Variants in WDR86 observed in about 807,000 individuals in gnomAD.
The protein encoded by WDR86 is WD repeat domain 86, also known as WD repeat-containing protein 86.
In WDR86, 30 loss-of-function variants were observed where a neutral mutation model predicts 36.5. That is an observed-to-expected ratio of 0.82 (90% CI 0.61 to 1.11). WDR86 has a LOEUF of 1.11. WDR86 is among the 50% of genes most tolerant of loss of function. WDR86 has a pLI of 0.00. For missense variants in WDR86, 545 were observed against 561.2 expected (o/e 0.97, Z 0.29); for synonymous variants, 255 against 252.9 (o/e 1.01, Z -0.08).
intron 3 of WDR86, among the ~76,000 whole-genome samples, chr7:151,387,328 C>T (rs1799060433): frequency 6.6e-6 from 1 of 152,170 alleles, no homozygotes; most frequent in Non-Finnish European, 1.5e-5. Context: ...TGGCAGCCGG[C>T]CCTCACCACA....
At chr7:151,376,008 G>A (rs926790466) in exon 2 of WDR86, 5 of 985,392 alleles carry the variant, frequency 5.1e-6, no homozygotes, top group African/African-American at 3.2e-5. Flanking sequence ...GGGGTAACCC[G>A]GGTGAATCAG....
Position 151,385,295 on chromosome 7 carries a change from G to T in WDR86, c.727-72C>A, listed in dbSNP as rs73474439. The T allele has an allele frequency of 8.0e-4, 1,272 of 1,590,666 alleles. 6 individuals are homozygous for T. The African/African-American group carries it at 0.014, about 17-fold the overall frequency. On this transcript the variant is annotated intron_variant, in intron 3 of 5. Coordinates refer to ENST00000334493, the MANE Select transcript of WDR86 (RefSeq NM_198285.3). Reference sequence around the variant, plus strand: ...CCCCCCAGACCTCTCCCTCTATAAGGGGGGAAGGGGCATGTGCAGGTCTCA... The same window carrying T: ...CCCCCCAGACCTCTCCCTCTATAAGTGGGGAAGGGGCATGTGCAGGTCTCA...
At chr7:151,376,270 C>T (rs1301053944), downstream of WDR86, 1 of 466,986 alleles carries the variant, frequency 2.1e-6, no homozygotes, top group African/African-American at 2.0e-5. Flanking sequence ...ACCCATCCAG[C>T]TTTGTATCCC....
downstream of WDR86, chr7:151,376,628 C>T (rs1798282830): frequency 1.9e-6 from 3 of 1,606,634 alleles, no homozygotes; most frequent in Non-Finnish European, 2.6e-6. Flanking sequence ...CTGCGCTCTC[C>T]CCTAGTTGGT....
At chr7:151,408,717 T>A (rs1481840038) in intron 1 of WDR86, 2 of 358,602 alleles carry the variant, frequency 5.6e-6, no homozygotes, top group African/African-American at 2.1e-5. Context: ...GAAAGGGACC[T>A]CACAGTGCAT....
At chr7:151,381,057 T>C, downstream of WDR86, 1 of 1,005,676 alleles carries the variant, frequency 9.9e-7, no homozygotes, top group Non-Finnish European at 1.2e-6. This position sits in a 1 kb window ranked among gnomAD's most constrained non-coding sequence, Gnocchi z 4.8. Context: ...CCTGGGTTCC[T>C]GGAATCCCAA....
intron 2 of WDR86, among the ~76,000 whole-genome samples, chr7:151,397,070 C>T (rs1386232334): frequency 6.6e-6 from 1 of 152,262 alleles, no homozygotes; most frequent in Non-Finnish European, 1.5e-5. Context: ...AAGGTCTGAG[C>T]ACACACCCTT....
In WDR86 at chr7:151,409,984, A is replaced by G; in HGVS notation, c.-395T>C. The G allele has an allele frequency of 9.9e-7, 1 of 1,007,822 alleles. No homozygotes were observed. Among genetic ancestry groups the G allele is most frequent in the Non-Finnish European group, 1.2e-6 (1 of 845,350 alleles). The allele number at this position is 1,007,822 out of a possible 1,614,324, so 62.4% of individuals were successfully genotyped here. A position where few individuals can be genotyped will look rare whatever the true frequency, so the allele number is the denominator to read the frequency against. On this transcript the variant is annotated 5_prime_UTR_variant, in exon 1 of 6. Coordinates refer to ENST00000334493, the MANE Select transcript of WDR86 (RefSeq NM_198285.3). This position sits in a 1 kb window ranked among gnomAD's most constrained non-coding sequence, Gnocchi z 5.2. ...CCACGGGGCTGGGGCGGGGAGAGGAACACGGGAAGCCGAGCGCCCCGCGCC... is the reference window on the plus strand; with the variant it reads ...CCACGGGGCTGGGGCGGGGAGAGGAGCACGGGAAGCCGAGCGCCCCGCGCC...
downstream of WDR86, among the ~76,000 whole-genome samples, chr7:151,380,785 C>G (rs1298477942): frequency 6.6e-6 from 1 of 151,614 alleles, no homozygotes; most frequent in Non-Finnish European, 1.5e-5. Context: ...GCTGCCCGCC[C>G]CCACCCCTCC....
chr7:151,404,399 G>A (rs1563066832), intron 1 of WDR86, among the ~76,000 whole-genome samples: 2 of 152,102 alleles, frequency 1.3e-5, no homozygotes, highest in African/African-American at 4.8e-5. Flanking sequence ...CTGAACACAC[G>A]CCCAAGTGAG....
rs748113673 is a variant in WDR86, at chr7:151,396,103, G to A, written c.399C>T (p.Phe133=). The change falls in exon 3 of 6, where the codon TTC becomes TTT. Residue 133 remains phenylalanine (F), a synonymous_variant. Coordinates refer to ENST00000334493, the MANE Select transcript of WDR86 (RefSeq NM_198285.3). ...TCAGCACGCAGTTGCGGTGGCCCCGGAACTCCCGGGACATCTGCCCCTTGT... is the reference window on the plus strand; with the variant it reads ...TCAGCACGCAGTTGCGGTGGCCCCGAAACTCCCGGGACATCTGCCCCTTGT... ...SVDKGQMSRE[F]RGHRNCVLTL... is the part of the protein sequence containing the mutation. The A allele has an allele frequency of 6.2e-7, 1 of 1,612,858 alleles. No individual in the cohort carries two copies. The highest frequency in any genetic ancestry group is 8.5e-7 in the Non-Finnish European group (1 of 1,179,876).
In WDR86 at chr7:151,409,606, G is replaced by T; in HGVS notation, c.-17C>A. 1 of 1,371,390 alleles carries T rather than the reference G, an allele frequency of 7.3e-7. No homozygotes were observed. Among genetic ancestry groups the T allele is most frequent in the Non-Finnish European group, 9.4e-7 (1 of 1,066,730 alleles). The allele number at this position is 1,371,390 out of a possible 1,614,324, so 85.0% of individuals were successfully genotyped here. ...GCCCCCCATCCCGCTGGCAGGGCGGGGAACAAGAAGGAGCTGCGCCCCGCT... is the reference window on the plus strand; with the variant it reads ...GCCCCCCATCCCGCTGGCAGGGCGGTGAACAAGAAGGAGCTGCGCCCCGCT... On this transcript the variant is annotated 5_prime_UTR_variant, in exon 1 of 6. Coordinates refer to ENST00000334493, the MANE Select transcript of WDR86 (RefSeq NM_198285.3). The surrounding 1 kb of genome is among the most constrained non-coding windows in gnomAD (Gnocchi z 5.2).
rs1798545535 is a variant in WDR86, at chr7:151,381,367, G to T, written c.*215C>A. 7.0e-7 allele frequency: 1 copy of T among 1,437,146 alleles called. No individual in the cohort carries two copies. The highest frequency in any genetic ancestry group is 3.0e-5 in the East Asian group (1 of 33,406). 89.0% of individuals were successfully genotyped at this position (1,437,146 alleles called of 1,614,324 possible). A position where few individuals can be genotyped will look rare whatever the true frequency, so the allele number is the denominator to read the frequency against. On this transcript the variant is annotated 3_prime_UTR_variant, in exon 6 of 6. Coordinates refer to ENST00000334493, the MANE Select transcript of WDR86 (RefSeq NM_198285.3). The surrounding 1 kb of genome is among the most constrained non-coding windows in gnomAD (Gnocchi z 4.8). ...GGAGGACAGGAGCCACCCTAAAAGG[G>T]AAAAGGGGGCGGTCCCCAGGGCGAG...
chr7:151,407,773 G>A (rs1256965954), intron 1 of WDR86, among the ~76,000 whole-genome samples: 3 of 152,056 alleles, frequency 2.0e-5, no homozygotes, highest in South Asian at 2.1e-4. Context: ...CCCGGGAGGC[G>A]GAGGTTGCAG....
chr7:151,388,067 G>A lies in WDR86; in HGVS notation c.727-2844C>T, dbSNP rs186194751. 4.6e-5 allele frequency among the ~76,000 whole-genome samples: 7 copies of A among 152,324 alleles called. No individual in the cohort carries two copies. Among genetic ancestry groups the A allele is most frequent in the South Asian group, 2.1e-4 (1 of 4,828 alleles). ...AACGCAGGTGCAATCTCTGCCCGCC[G>A]GCTCCTCAGGGTTGGGTGAGACTCA... On this transcript the variant is annotated intron_variant, in intron 3 of 5. Coordinates refer to ENST00000334493, the MANE Select transcript of WDR86 (RefSeq NM_198285.3). The surrounding 1 kb of genome is among the most constrained non-coding windows in gnomAD (Gnocchi z 4.2).
downstream of WDR86, among the ~76,000 whole-genome samples, chr7:151,373,819 C>T (rs531971169): frequency 8.5e-5 from 13 of 152,340 alleles, no homozygotes; most frequent in Non-Finnish European, 1.5e-4. Flanking sequence ...ATCCTGATGC[C>T]GGATGGTGGA....
chr7:151,377,303 C>T (rs1798347449), downstream of WDR86: 5 of 904,544 alleles, frequency 5.5e-6, no homozygotes, highest in South Asian at 2.0e-5. Context: ...TCTTTCTGTT[C>T]TTACTTTTTA....
chr7:151,397,691 G>A (rs1157288861), intron 2 of WDR86, among the ~76,000 whole-genome samples: 2 of 89,930 alleles, frequency 2.2e-5, no homozygotes, highest in Non-Finnish European at 5.1e-5. Context: ...GCGGGAGGAA[G>A]AGGGTGTAGT....
Position 151,381,686 on chromosome 7 carries a change from G to A in WDR86, c.1027C>T (p.Arg343Cys). Residue 343 changes from arginine to cysteine, a missense_variant, in exon 6 of 6, where the codon CGC becomes TGC. Transcript: ENST00000334493. This position sits in a 1 kb window ranked among gnomAD's most constrained non-coding sequence, Gnocchi z 4.8. ...HDGALRLWDV[R>C]GLRGAPRPPP... ...GGCCGCGGGGCACCTCGGAGCCCGC[G>A]CACGTCCCAGAGGCGCAGGGCGCCG... 7.0e-7 allele frequency: 1 copy of A among 1,435,246 alleles called. No homozygotes were observed. The highest frequency in any genetic ancestry group is 9.1e-7 in the Non-Finnish European group (1 of 1,103,544). The allele number at this position is 1,435,246 out of a possible 1,614,324, so 88.9% of individuals were successfully genotyped here. A position where few individuals can be genotyped will look rare whatever the true frequency, so the allele number is the denominator to read the frequency against.
Sources: gnomAD v4.1 joint callset for allele counts (sites outside exome capture counted in the v4.1 genomes callset) on GRCh38, gnomAD v4.1.1 for gene constraint, Gnocchi (gnomAD v3.1) non-coding constraint, MANE v1.5 for transcripts, NCBI Gene and HGNC (gene_info 2026-07-23, HGNC 2026-07-21) for gene names.